MYO16: variants seen among roughly 807,000 people sequenced by gnomAD.
MYO16 encodes the protein unconventional myosin-XVI.
A neutral mutation model predicts 205.3 loss-of-function variants in MYO16; 94 were observed. The observed-to-expected ratio is 0.46, with a 90% CI of 0.39 to 0.54. MYO16 has a LOEUF of 0.54. MYO16 is among the 20% of genes least tolerant of loss of function. The pLI is 0.00. For missense variants in MYO16, 2,315 were observed against 2,387.5 expected (o/e 0.97, Z 0.63); for synonymous variants, 988 against 954.0 (o/e 1.04, Z -0.66).
At chr13:109,184,872 G>A (rs373528911) in intron 34 of MYO16, among the ~76,000 whole-genome samples, 8 of 152,072 alleles carry the variant, frequency 5.3e-5, no homozygotes, top group Admixed American at 1.3e-4. Flanking sequence ...AGGTTCAAGC[G>A]ATTCTCCTGC....
rs185946232 is a variant in MYO16, at chr13:108,870,288, G to T, written c.1425+4046G>T. Among the ~76,000 whole-genome samples, 9 of 151,444 alleles carry T rather than the reference G, an allele frequency of 5.9e-5. No homozygotes were observed. In the East Asian group the frequency reaches 1.7e-3, roughly 29 times the overall value. On this transcript the variant is annotated intron_variant, in intron 12 of 34. Transcript: ENST00000457511. Reference sequence around the variant, plus strand: ...TTATCCTTTTCTTTATATTACTGACGTCTATTAAATAATATTTTGCTGAGG... The same window carrying T: ...TTATCCTTTTCTTTATATTACTGACTTCTATTAAATAATATTTTGCTGAGG...
Position 109,055,714 on chromosome 13 carries a change from A to C in MYO16, c.3335+119A>C. ...TTTTTTGGCACTGCTTTTGTTGTTTACTTTTTTCTATCTCCAATAAACAAA... is the reference window on the plus strand; with the variant it reads ...TTTTTTGGCACTGCTTTTGTTGTTTCCTTTTTTCTATCTCCAATAAACAAA... On this transcript the variant is annotated intron_variant, in intron 27 of 34. Transcript: ENST00000457511. The surrounding 1 kb of genome is among the most constrained non-coding windows in gnomAD (Gnocchi z 5.0). 1 of 828,458 alleles carries C rather than the reference A, an allele frequency of 1.2e-6. No homozygotes were observed. Among genetic ancestry groups the C allele is most frequent in the Admixed American group, 2.4e-5 (1 of 41,728 alleles). 51.3% of individuals were successfully genotyped at this position (828,458 alleles called of 1,614,324 possible).
At chr13:109,049,996 G>C (rs1887193800) in intron 24 of MYO16, among the ~76,000 whole-genome samples, 1 of 142,202 alleles carries the variant, frequency 7.0e-6, no homozygotes, top group Non-Finnish European at 1.5e-5. Flanking sequence ...TGAATCATTT[G>C]AAAGTAAGTT....
In MYO16 at chr13:109,100,799, C is replaced by T. The variant is rs548287984; in HGVS notation, c.3350C>T (p.Ala1117Val). 7.4e-6 allele frequency: 12 copies of T among 1,613,308 alleles called. No homozygotes were observed. The African/African-American group carries it at 1.3e-4, about 18-fold the overall frequency. The change falls in exon 28 of 35, where the codon GCT (alanine) becomes GTT (valine). Residue 1117 changes from alanine to valine, a missense_variant. By Grantham distance (64) the Ala-to-Val change is moderately conservative (BLOSUM62 0). Coordinates refer to ENST00000457511, the MANE Select transcript of MYO16 (RefSeq NM_001198950.3). ...SDFLSRYKPLADTFLREKKEQ... is the reference protein window; with the variant it reads ...SDFLSRYKPLVDTFLREKKEQ... Reference sequence around the variant, plus strand: ...GCTTTTCACAGGTATAAGCCACTGGCTGATACATTCCTGCGTGAGAAGAAG... The same window carrying T: ...GCTTTTCACAGGTATAAGCCACTGGTTGATACATTCCTGCGTGAGAAGAAG...
intron 20 of MYO16, among the ~76,000 whole-genome samples, chr13:108,982,727 A>G (rs1448988951): frequency 6.6e-6 from 1 of 152,206 alleles, no homozygotes; most frequent in African/African-American, 2.4e-5. Context: ...CATCCCTAAA[A>G]TTGTGATAAT....
the MYO16 span, among the ~76,000 whole-genome samples, chr13:108,561,918 A>G: frequency 6.6e-6 from 1 of 152,222 alleles, no homozygotes; most frequent in African/African-American, 2.4e-5. Flanking sequence ...GAGAATGTTT[A>G]TAAGGACATC....
At chr13:108,855,418 G>A in intron 10 of MYO16, 25 bp from the exon 11 acceptor site, 1 of 1,422,516 alleles carries the variant, frequency 7.0e-7, no homozygotes, top group Non-Finnish European at 9.7e-7. Flanking sequence ...AATTAGAATT[G>A]ATCATACTTT....
intron 23 of MYO16, among the ~76,000 whole-genome samples, chr13:109,031,641 T>C (rs113932035): frequency 0.017 from 2,619 of 152,314 alleles, 77 homozygotes; most frequent in African/African-American, 0.06. Flanking sequence ...CACATTTTTG[T>C]TTTTCACCTA....
At chr13:108,959,044 G>A (rs1486801156) in intron 17 of MYO16, among the ~76,000 whole-genome samples, 2 of 152,144 alleles carry the variant, frequency 1.3e-5, no homozygotes, top group East Asian at 1.9e-4. Context: ...GTGAGTAGGT[G>A]GGGAGGGTGG....
At chr13:108,519,663 A>ACC in the MYO16 span, among the ~76,000 whole-genome samples, 4 of 150,906 alleles carry the variant, frequency 2.7e-5, no homozygotes, top group African/African-American at 9.8e-5. Context: ...ACACACACAC[A>ACC]CCCCACCAGA....
chr13:109,091,028 G>T (rs1399009050), intron 27 of MYO16, among the ~76,000 whole-genome samples: 1 of 152,148 alleles, frequency 6.6e-6, no homozygotes, highest in Non-Finnish European at 1.5e-5. Context: ...CCTTCTGAAT[G>T]CTGGAAATTA....
chr13:108,923,085 G>A (rs748391851), intron 16 of MYO16, among the ~76,000 whole-genome samples: 8 of 152,142 alleles, frequency 5.3e-5, no homozygotes, highest in Admixed American at 6.5e-5. Flanking sequence ...ACCCTGATTC[G>A]TAAAAACAGG....
At chr13:108,840,254 A>T (rs1193204768) in intron 9 of MYO16, among the ~76,000 whole-genome samples, 1 of 152,196 alleles carries the variant, frequency 6.6e-6, no homozygotes, top group African/African-American at 2.4e-5. Flanking sequence ...AGGAAAACTC[A>T]CCTTGCATTT....
chr13:108,692,235 A>G (rs534809189), intron 2 of MYO16, among the ~76,000 whole-genome samples: 1 of 152,246 alleles, frequency 6.6e-6, no homozygotes, highest in African/African-American at 2.4e-5. Context: ...AATGATCTTC[A>G]TCATGTGAGC....
chr13:108,824,821 T>A (rs1262210092), intron 9 of MYO16, among the ~76,000 whole-genome samples: 2 of 152,012 alleles, frequency 1.3e-5, no homozygotes, highest in Non-Finnish European at 2.9e-5. Flanking sequence ...ATGAAATTGA[T>A]GAATTCCAAG....
intron 32 of MYO16, among the ~76,000 whole-genome samples, chr13:109,148,634 G>A (rs1420201927): frequency 6.6e-6 from 1 of 152,200 alleles, no homozygotes; most frequent in Non-Finnish European, 1.5e-5. Context: ...AGTGGCCCAT[G>A]AGCCCCCATG....
intron 1 of MYO16, among the ~76,000 whole-genome samples, chr13:108,624,347 C>T (rs369104592): frequency 7.2e-5 from 11 of 152,138 alleles, no homozygotes; most frequent in African/African-American, 2.4e-4. Flanking sequence ...TTCCTGGTAA[C>T]TGGTTGCAGT....
intron 1 of MYO16, among the ~76,000 whole-genome samples, chr13:108,647,656 A>G (rs1239245708): frequency 1.3e-5 from 2 of 152,196 alleles, no homozygotes; most frequent in Non-Finnish European, 2.9e-5. Flanking sequence ...TTCAGATCAA[A>G]AGGCACAGAA....
the MYO16 span, among the ~76,000 whole-genome samples, chr13:108,584,990 A>G: frequency 1.3e-5 from 2 of 152,240 alleles, no homozygotes; most frequent in Non-Finnish European, 2.9e-5. Context: ...TAATTTAGTT[A>G]TGAGCAAGAT....
Sources: allele counts gnomAD v4.1 joint callset (sites outside exome capture counted in the v4.1 genomes callset), GRCh38; gene constraint gnomAD v4.1.1; non-coding constraint Gnocchi (gnomAD v3.1); transcripts MANE v1.5; gene names NCBI Gene and HGNC (gene_info 2026-07-23, HGNC 2026-07-21).